Variants in CFAP61 observed in about 807,000 individuals in gnomAD.
CFAP61 encodes the protein cilia and flagella associated protein 61.
CFAP61 carries 107 observed loss-of-function variants against 135.6 expected under a neutral mutation model. The observed-to-expected ratio is 0.79, with a 90% CI of 0.67 to 0.93. The LOEUF (loss-of-function observed/expected upper bound fraction) is 0.93, where lower values mean the gene tolerates loss of function less well. CFAP61 is among the 40% of genes least tolerant of loss of function. The probability of loss-of-function intolerance (pLI) is 0.00; values close to 1 mark genes in which losing one functional copy is unlikely to be tolerated. For missense variants in CFAP61, 1,507 were observed against 1,556.2 expected (o/e 0.97, Z 0.53); for synonymous variants, 575 against 578.5 (o/e 0.99, Z 0.09).
chr20:20,159,529 C>T lies in CFAP61; in HGVS notation c.1026+85C>T, dbSNP rs894784867. The T allele has an allele frequency of 3.4e-6, 4 of 1,190,836 alleles. No individual in the cohort carries two copies. The African/African-American group carries it at 6.0e-5, about 18-fold the overall frequency. The allele number at this position is 1,190,836 out of a possible 1,614,324, so 73.8% of individuals were successfully genotyped here. A position where few individuals can be genotyped will look rare whatever the true frequency, so the allele number is the denominator to read the frequency against. On this transcript the variant is annotated intron_variant, in intron 10 of 26. Transcript: ENST00000245957. Reference sequence around the variant, plus strand: ...CTACCTCAGAGGATTTGTGCCCTTTCCTCCTCCCAATCTCCCTGCCTGTCT... The same window carrying T: ...CTACCTCAGAGGATTTGTGCCCTTTTCTCCTCCCAATCTCCCTGCCTGTCT...
At chr20:20,080,652 T>C (rs1434488026) in intron 6 of CFAP61, among the ~76,000 whole-genome samples, 2 of 152,224 alleles carry the variant, frequency 1.3e-5, no homozygotes, top group East Asian at 1.9e-4. Flanking sequence ...ATTTATATTC[T>C]GACCAAATAG....
intron 13 of CFAP61, among the ~76,000 whole-genome samples, chr20:20,187,183 CCT>C (rs2146865042): frequency 6.6e-6 from 1 of 152,300 alleles, no homozygotes; most frequent in East Asian, 1.9e-4. Context: ...GACTCATGAG[CCT>C]CTCTATACCC....
chr20:20,314,277 C>A (rs1185680235), intron 25 of CFAP61, among the ~76,000 whole-genome samples: 2 of 148,882 alleles, frequency 1.3e-5, no homozygotes, highest in African/African-American at 2.5e-5. Flanking sequence ...GTACTCCTAG[C>A]TACTTTAGTG....
chr20:20,339,928 A>G (rs576026826), intron 25 of CFAP61, among the ~76,000 whole-genome samples: 4 of 152,382 alleles, frequency 2.6e-5, no homozygotes, highest in South Asian at 4.1e-4. Flanking sequence ...GAAAGCTGCC[A>G]TGCTGCTGCT....
chr20:20,136,105 G>A (rs1368291178), intron 8 of CFAP61, among the ~76,000 whole-genome samples: 6 of 152,082 alleles, frequency 3.9e-5, no homozygotes, highest in Admixed American at 2.6e-4. Flanking sequence ...GCTGCCAGAC[G>A]TATTGGAGCT....
chr20:20,295,308 G>A (rs570645627), intron 24 of CFAP61, among the ~76,000 whole-genome samples: 2 of 152,292 alleles, frequency 1.3e-5, no homozygotes, highest in South Asian at 4.1e-4. Context: ...GGATCTCAAG[G>A]TGTGCCCCCT....
chr20:20,343,642 T>A (rs1172104170), intron 26 of CFAP61, among the ~76,000 whole-genome samples: 1 of 152,156 alleles, frequency 6.6e-6, no homozygotes. Context: ...ACACCTTCCT[T>A]CCTTGCAGAA....
chr20:20,079,523 A>T (rs1313705204), intron 6 of CFAP61, among the ~76,000 whole-genome samples: 1 of 152,118 alleles, frequency 6.6e-6, no homozygotes, highest in African/African-American at 2.4e-5. Context: ...CCAGAAACCT[A>T]CCTGCAGATG....
chr20:20,333,310 G>C (rs927067235), intron 25 of CFAP61, among the ~76,000 whole-genome samples: 9 of 152,130 alleles, frequency 5.9e-5, no homozygotes, highest in Non-Finnish European at 1.2e-4. Context: ...TTGGAACAAA[G>C]GACCATCATT....
intron 22 of CFAP61, among the ~76,000 whole-genome samples, chr20:20,282,017 C>T (rs1335149962): frequency 6.6e-6 from 1 of 152,156 alleles, no homozygotes; most frequent in Admixed American, 6.5e-5. Context: ...TTGTCCATTT[C>T]ATTTACATTT....
chr20:20,193,774 C>T lies in CFAP61; in HGVS notation c.1590+2355C>T, dbSNP rs144720304. On this transcript the variant is annotated intron_variant, in intron 15 of 26. Coordinates refer to ENST00000245957, the MANE Select transcript of CFAP61 (RefSeq NM_015585.4). ...AATTACAGGTGTGCACCACCACGCA[C>T]GGCTAATTTTTGTATTTTTAGTAGA... Among the ~76,000 whole-genome samples the T allele has an allele frequency of 3.4e-3, 522 of 152,138 alleles. 4 individuals are homozygous for T. The highest frequency in any genetic ancestry group is 0.011 in the African/African-American group (466 of 41,518).
At chr20:20,255,677 C>T (rs565005618) in intron 20 of CFAP61, among the ~76,000 whole-genome samples, 2 of 152,130 alleles carry the variant, frequency 1.3e-5, no homozygotes, top group African/African-American at 4.8e-5. Flanking sequence ...GACACTCCCC[C>T]GTGTCATTTG....
intron 17 of CFAP61, among the ~76,000 whole-genome samples, chr20:20,222,357 T>C (rs1320260253): frequency 6.6e-6 from 1 of 152,176 alleles, no homozygotes; most frequent in Non-Finnish European, 1.5e-5. Flanking sequence ...CATTGAATCA[T>C]AGAGGCTACC....
At chr20:20,329,897 T>A (rs1284237132) in intron 25 of CFAP61, among the ~76,000 whole-genome samples, 1 of 152,280 alleles carries the variant, frequency 6.6e-6, no homozygotes, top group Non-Finnish European at 1.5e-5. Context: ...CCTGCTCTAG[T>A]GCAGCCATCA....
intron 6 of CFAP61, chr20:20,085,178 G>C (rs1361195750): frequency 1.0e-6 from 1 of 985,356 alleles, no homozygotes; most frequent in East Asian, 1.1e-4. Context: ...ATGTGACGCT[G>C]CGGTGCCAAA....
intron 8 of CFAP61, among the ~76,000 whole-genome samples, chr20:20,118,709 T>C (rs2049374286): frequency 6.6e-6 from 1 of 152,230 alleles, no homozygotes; most frequent in Admixed American, 6.5e-5. Context: ...CTGACTTTTA[T>C]TGCATGCTTT....
Position 20,090,920 on chromosome 20 carries a change from T to G in CFAP61, c.643T>G (p.Phe215Val), listed in dbSNP as rs779848327. ...TILKETYGEY[F>V]LAELIEAQDE... is the part of the protein sequence containing the mutation. ...TCTGAAGGAAACTTACGGTGAATACTTCCTGGCCGAACTAATAGAGGCCCA... is the reference window on the plus strand; with the variant it reads ...TCTGAAGGAAACTTACGGTGAATACGTCCTGGCCGAACTAATAGAGGCCCA... Residue 215 changes from phenylalanine to valine, a missense_variant, in exon 7 of 27, where the codon TTC becomes GTC. Physicochemically the swap from Phe to Val is conservative, Grantham distance 50 (BLOSUM62 -1). Coordinates refer to ENST00000245957, the MANE Select transcript of CFAP61 (RefSeq NM_015585.4). The G allele has an allele frequency of 6.2e-7, 1 of 1,614,038 alleles. No individual in the cohort carries two copies. The highest frequency in any genetic ancestry group is 1.3e-5 in the African/African-American group (1 of 74,920).
chr20:20,157,910 T>C (rs1294316427), intron 9 of CFAP61, among the ~76,000 whole-genome samples: 1 of 152,084 alleles, frequency 6.6e-6, no homozygotes, highest in Non-Finnish European at 1.5e-5. Flanking sequence ...TTTTTAAAAC[T>C]CTCAAAACAC....
At chr20:20,085,478 T>C (rs747685896) in intron 6 of CFAP61, 7 of 1,366,458 alleles carry the variant, frequency 5.1e-6, no homozygotes, top group Non-Finnish European at 6.9e-6. Context: ...AGAGAGAGCC[T>C]CTTCAGAACT....
Sources: gnomAD v4.1 joint callset for allele counts (sites outside exome capture counted in the v4.1 genomes callset) on GRCh38, gnomAD v4.1.1 for gene constraint, MANE v1.5 for transcripts, NCBI Gene and HGNC (gene_info 2026-07-23, HGNC 2026-07-21) for gene names.